P2RY14: variants seen among roughly 807,000 people sequenced by gnomAD.
P2RY14 encodes the protein purinergic receptor P2Y14, also known as P2Y purinoceptor 14.
P2RY14 carries 2 observed loss-of-function variants against 0.9 expected under a neutral mutation model. The ratio of observed to expected loss-of-function variants is 2.16; its 90% CI spans 0.88 to 6.79. The LOEUF is 6.79. P2RY14 is among the 30% of genes most tolerant of loss of function. The probability of loss-of-function intolerance (pLI) is 0.05; values close to 1 mark genes in which losing one functional copy is unlikely to be tolerated. For synonymous variants in P2RY14, 158 were observed against 147.2 expected (o/e 1.07, Z -0.53); for missense variants, 378 against 400.1 (o/e 0.94, Z 0.47).
intron 1 of P2RY14, among the ~76,000 whole-genome samples, chr3:151,256,469 C>T (rs563341231): frequency 4.6e-5 from 7 of 152,220 alleles, no homozygotes; most frequent in Non-Finnish European, 1.0e-4. Flanking sequence ...TTGCCAGTCC[C>T]ACCCTGTCTC....
intron 2 of P2RY14, among the ~76,000 whole-genome samples, chr3:151,217,659 G>A (rs1226928231): frequency 1.3e-5 from 2 of 152,200 alleles, no homozygotes; most frequent in African/African-American, 4.8e-5. Flanking sequence ...CCACTGTCTG[G>A]TTTGATACAG....
chr3:151,224,363 A>G (rs144306124), intron 1 of P2RY14, among the ~76,000 whole-genome samples: 13 of 152,080 alleles, frequency 8.5e-5, no homozygotes, highest in African/African-American at 2.9e-4. Flanking sequence ...AATAGTATAG[A>G]TGTATGTAAT....
At chr3:151,242,597 C>G (rs1247677552) in intron 1 of P2RY14, among the ~76,000 whole-genome samples, 1 of 152,166 alleles carries the variant, frequency 6.6e-6, no homozygotes, top group Non-Finnish European at 1.5e-5. Flanking sequence ...AAAACACATC[C>G]ACACCAAAAA....
At chr3:151,242,224 A>C (rs1305049453) in intron 1 of P2RY14, among the ~76,000 whole-genome samples, 86 of 152,370 alleles carry the variant, frequency 5.6e-4, no homozygotes, top group East Asian at 4.8e-3. Context: ...CCCAGGCTTG[A>C]TTAGGTAAAC....
chr3:151,251,896 G>T (rs962555665), intron 1 of P2RY14, among the ~76,000 whole-genome samples: 24 of 152,060 alleles, frequency 1.6e-4, no homozygotes, highest in African/African-American at 5.8e-4. Context: ...TATGTACATG[G>T]AATCACCTTA....
chr3:151,264,662 C>T lies in P2RY14; in HGVS notation c.-133+13625G>A, dbSNP rs80124898. ...TAATCAATGCTGGGAGCAGGAGCCT[C>T]CTGTGACCTTCCAGCCTGTGCCCCC... On this transcript the variant is annotated intron_variant, in intron 1 of 2. Coordinates refer to ENST00000309170, the MANE Select transcript of P2RY14 (RefSeq NM_014879.4). 9.8e-3 allele frequency among the ~76,000 whole-genome samples: 1,499 copies of T among 152,320 alleles called. 10 individuals are homozygous for T. The highest frequency in any genetic ancestry group is 0.031 in the Middle Eastern group (9 of 294).
At chr3:151,272,415 A>G (rs1741127944) in intron 1 of P2RY14, among the ~76,000 whole-genome samples, 1 of 152,184 alleles carries the variant, frequency 6.6e-6, no homozygotes, top group Non-Finnish European at 1.5e-5. Flanking sequence ...TATATGTATC[A>G]TGTCCCTCTT....
chr3:151,270,241 GTT>G lies in P2RY14; in HGVS notation c.-133+8044_-133+8045del, dbSNP rs1338324671. ...TGTGTGTGTGTGTGTGTGTGTGTGT[GTT>G]TTCTTTTGGGCTCAGCTGCCTTGTT... is the stretch of plus-strand genomic sequence containing the variant. On this transcript the variant is annotated intron_variant, in intron 1 of 2. Transcript: ENST00000309170. The G allele has an allele frequency of 2.8e-3, 435 of 157,092 alleles. 4 individuals carry two copies. Among genetic ancestry groups the G allele is most frequent in the African/African-American group, 0.01 (420 of 40,834 alleles). The allele number at this position is 157,092 out of a possible 1,614,324, so 9.7% of individuals were successfully genotyped here. A position where few individuals can be genotyped will look rare whatever the true frequency, so the allele number is the denominator to read the frequency against.
chr3:151,246,930 AC>A (rs1303792547), intron 1 of P2RY14, among the ~76,000 whole-genome samples: 1 of 152,146 alleles, frequency 6.6e-6, no homozygotes, highest in Non-Finnish European at 1.5e-5. Context: ...CAAGAAAAAA[AC>A]AAACAACCCC....
chr3:151,257,727 T>G (rs1738090653), intron 1 of P2RY14, among the ~76,000 whole-genome samples: 1 of 152,212 alleles, frequency 6.6e-6, no homozygotes, highest in Admixed American at 6.5e-5. Flanking sequence ...GCTTTTGAAA[T>G]TCAGTGTAAA....
In P2RY14 at chr3:151,271,742, A is replaced by C. The variant is rs184425539; in HGVS notation, c.-133+6545T>G. ...TGAGCAAAACAAGTTAAATCTCAAA[A>C]CATGTTGAGCAAAACAAGTCAGACA... On this transcript the variant is annotated intron_variant, in intron 1 of 2. Transcript: ENST00000309170. 2.8e-3 allele frequency among the ~76,000 whole-genome samples: 424 copies of C among 152,270 alleles called. 5 individuals are homozygous for C. The highest frequency in any genetic ancestry group is 9.7e-3 in the African/African-American group (402 of 41,554).
chr3:151,232,096 T>C (rs1179041084), intron 1 of P2RY14, among the ~76,000 whole-genome samples: 1 of 152,216 alleles, frequency 6.6e-6, no homozygotes, highest in African/African-American at 2.4e-5. Context: ...GTGTCTCTGC[T>C]ATTTTTCTTA....
chr3:151,234,925 A>G (rs1377763899), intron 1 of P2RY14, among the ~76,000 whole-genome samples: 1 of 152,216 alleles, frequency 6.6e-6, no homozygotes, highest in Non-Finnish European at 1.5e-5. Context: ...TCCAGCCTGA[A>G]GCAGCAAACG....
intron 1 of P2RY14, among the ~76,000 whole-genome samples, chr3:151,251,961 T>C (rs1449918589): frequency 6.6e-6 from 1 of 152,194 alleles, no homozygotes; most frequent in Non-Finnish European, 1.5e-5. Context: ...GTCACAGATT[T>C]TGATTCTTTT....
At chr3:151,269,111 G>A (rs951438659) in intron 1 of P2RY14, among the ~76,000 whole-genome samples, 23 of 152,044 alleles carry the variant, frequency 1.5e-4, no homozygotes, top group South Asian at 4.2e-4. Flanking sequence ...TATTGACGAC[G>A]TACAAAAGGA....
chr3:151,258,272 T>C lies in P2RY14; in HGVS notation c.-133+20015A>G, dbSNP rs184120464. On this transcript the variant is annotated intron_variant, in intron 1 of 2. Coordinates refer to ENST00000309170, the MANE Select transcript of P2RY14 (RefSeq NM_014879.4). ...TACTCTTGACCCTCACAATTGTTGC[T>C]TTCTAATATAATTTCACTAGTTCTT... Among the ~76,000 whole-genome samples the C allele has an allele frequency of 3.9e-3, 599 of 152,362 alleles. 5 individuals carry two copies. The highest frequency in any genetic ancestry group is 0.014 in the African/African-American group (582 of 41,588).
intron 1 of P2RY14, among the ~76,000 whole-genome samples, chr3:151,241,348 A>G (rs922072328): frequency 5.3e-5 from 8 of 152,230 alleles, no homozygotes; most frequent in Non-Finnish European, 1.2e-4. Flanking sequence ...GCAAAAGGCA[A>G]GTAAGCCTAG....
At chr3:151,225,193 C>G (rs1730244974) in intron 1 of P2RY14, among the ~76,000 whole-genome samples, 2 of 152,134 alleles carry the variant, frequency 1.3e-5, no homozygotes, top group South Asian at 4.1e-4. Context: ...CCAGGGTGCC[C>G]TCGACTTCAC....
chr3:151,276,371 A>G (rs1324003793), intron 1 of P2RY14, among the ~76,000 whole-genome samples: 1 of 152,224 alleles, frequency 6.6e-6, no homozygotes, highest in South Asian at 2.1e-4. Flanking sequence ...ATAATTTTCA[A>G]TTAAAGGAAA....
Sources: gnomAD v4.1 joint callset for allele counts (sites outside exome capture counted in the v4.1 genomes callset) on GRCh38, gnomAD v4.1.1 for gene constraint, MANE v1.5 for transcripts, NCBI Gene and HGNC (gene_info 2026-07-23, HGNC 2026-07-21) for gene names.